The following GNAQ variants were observed in gnomAD, a reference collection of about 807,000 sequenced individuals.
The protein encoded by GNAQ is G protein subunit alpha q.
Under a neutral mutation model 43.9 loss-of-function variants are expected in GNAQ, and 8 were observed. That is an observed-to-expected ratio of 0.18 (90% CI 0.11 to 0.33). The LOEUF (loss-of-function observed/expected upper bound fraction) is 0.33. Among genes scored for constraint, GNAQ ranks in the 10% least tolerant of loss-of-function variants. GNAQ has a pLI of 1.00. For synonymous variants in GNAQ, 155 were observed against 170.7 expected (o/e 0.91, Z 0.71); for missense variants, 158 against 450.8 (o/e 0.35, Z 5.88).
At chr9:77,845,286 C>G (rs1225471337) in intron 2 of GNAQ, among the ~76,000 whole-genome samples, 1 of 152,026 alleles carries the variant, frequency 6.6e-6, no homozygotes, top group African/African-American at 2.4e-5. Flanking sequence ...GTGTCAGAAG[C>G]AATTGTTGAA....
intron 2 of GNAQ, among the ~76,000 whole-genome samples, chr9:77,919,877 C>G (rs1252078499): frequency 2.6e-5 from 4 of 152,190 alleles, no homozygotes; most frequent in Non-Finnish European, 4.4e-5. Context: ...AGAGGTGGCT[C>G]ATGCCTGTAA....
At chr9:77,937,753 G>C (rs192020043) in intron 1 of GNAQ, among the ~76,000 whole-genome samples, 1 of 152,042 alleles carries the variant, frequency 6.6e-6, no homozygotes, top group African/African-American at 2.4e-5. Context: ...TCAGCCAGGC[G>C]TGGTGGGGCA....
At position 77,846,997 on chromosome 9, in the gene GNAQ, AG is replaced by A. The variant is rs1827597156; in HGVS notation, c.322-31228del. Reference sequence around the variant, plus strand: ...CAGTAATGACCTACCCTGTCCTGAAAGGAACACTGGAATACTTCGAACTTCC... The same window carrying A: ...CAGTAATGACCTACCCTGTCCTGAAAGAACACTGGAATACTTCGAACTTCC... On this transcript the variant is annotated intron_variant, in intron 2 of 6. Coordinates refer to ENST00000286548, the MANE Select transcript of GNAQ (RefSeq NM_002072.5). Among the ~76,000 whole-genome samples, 7 of 152,178 alleles carry A rather than the reference AG, an allele frequency of 4.6e-5. 2 individuals are homozygous for A. The South Asian group carries it at 1.4e-3, about 31-fold the overall frequency.
chr9:77,961,921 A>C (rs1165495050), intron 1 of GNAQ, among the ~76,000 whole-genome samples: 1 of 152,234 alleles, frequency 6.6e-6, no homozygotes, highest in Non-Finnish European at 1.5e-5. Flanking sequence ...AGTACTAGTT[A>C]GGTTCCACCA....
chr9:77,858,182 T>G (rs915823383), intron 2 of GNAQ, among the ~76,000 whole-genome samples: 3 of 152,180 alleles, frequency 2.0e-5, no homozygotes, highest in African/African-American at 7.2e-5. Flanking sequence ...TTTTCAGCAC[T>G]GGCACAATCA....
At chr9:77,886,249 A>G (rs1410196200) in intron 2 of GNAQ, among the ~76,000 whole-genome samples, 3 of 152,214 alleles carry the variant, frequency 2.0e-5, no homozygotes, top group African/African-American at 7.2e-5. Context: ...CTGGGGTTAC[A>G]GGTGTGAGCC....
intron 2 of GNAQ, among the ~76,000 whole-genome samples, chr9:77,836,875 C>T (rs901712523): frequency 6.6e-6 from 1 of 152,126 alleles, no homozygotes; most frequent in African/African-American, 2.4e-5. Flanking sequence ...CCATCATATA[C>T]TGAAGAACAG....
At chr9:77,742,095 T>C (rs986363996) in intron 5 of GNAQ, among the ~76,000 whole-genome samples, 1 of 152,244 alleles carries the variant, frequency 6.6e-6, no homozygotes, top group African/African-American at 2.4e-5. Context: ...AAGCAATGTT[T>C]ACTGTCTGCT....
rs79675984 is a variant in GNAQ at position 78,020,403 on chromosome 9, G to C, written c.136+10697C>G. Among the ~76,000 whole-genome samples, 1,066 of 152,244 alleles carry C rather than the reference G, an allele frequency of 7.0e-3. 19 individuals carry two copies. Among genetic ancestry groups the C allele is most frequent in the African/African-American group, 0.024 (990 of 41,524 alleles). On this transcript the variant is annotated intron_variant, in intron 1 of 6. Transcript: ENST00000286548. ...GGTTTTTCTCGGGACACAGCTTCAT[G>C]AGAGTTCTATGCTCACCTATTTAAC...
intron 5 of GNAQ, among the ~76,000 whole-genome samples, chr9:77,765,774 C>T (rs978562651): frequency 2.0e-5 from 3 of 152,076 alleles, no homozygotes; most frequent in Non-Finnish European, 2.9e-5. Context: ...CCCAACAGAA[C>T]GGAAAGTAGG....
chr9:77,936,217 T>G (rs1257755703), intron 1 of GNAQ, among the ~76,000 whole-genome samples: 1 of 152,152 alleles, frequency 6.6e-6, no homozygotes, highest in Non-Finnish European at 1.5e-5. Flanking sequence ...CTACAACCCA[T>G]GAAGTGATCC....
At chr9:78,025,949 CA>C (rs1823974225) in intron 1 of GNAQ, among the ~76,000 whole-genome samples, 1 of 152,146 alleles carries the variant, frequency 6.6e-6, no homozygotes, top group Admixed American at 6.5e-5. Context: ...CTCACAACTG[CA>C]AAGGCTGTTT....
intron 2 of GNAQ, among the ~76,000 whole-genome samples, chr9:77,904,242 C>T (rs963457161): frequency 7.4e-5 from 11 of 147,898 alleles, no homozygotes; most frequent in Non-Finnish European, 1.5e-5. Context: ...AAAAAGCTGA[C>T]TGTGGAAACT....
At position 77,716,327 on chromosome 9, in the gene GNAQ, TACA is replaced by T. The variant is rs769777858; in HGVS notation, c.*4993_*4995del. 3.0e-5 allele frequency: 7 copies of T among 232,232 alleles called. No individual in the cohort carries two copies. Among genetic ancestry groups the T allele is most frequent in the African/African-American group, 8.8e-5 (4 of 45,316 alleles). 14.4% of individuals were successfully genotyped at this position (232,232 alleles called of 1,614,324 possible). On this transcript the variant is annotated 3_prime_UTR_variant, in exon 7 of 7. Coordinates refer to ENST00000286548, the MANE Select transcript of GNAQ (RefSeq NM_002072.5). ...CAGCAAGATCATTGGGGCATTATTA[TACA>T]ACATTAGGTGTTTTTTGCAAAACTA... is the stretch of plus-strand genomic sequence containing the variant.
chr9:77,912,750 A>G (rs1378158799), intron 2 of GNAQ, among the ~76,000 whole-genome samples: 1 of 152,238 alleles, frequency 6.6e-6, no homozygotes, highest in East Asian at 1.9e-4. Flanking sequence ...GAGATAACCA[A>G]ATAGCCAGTA....
At chr9:77,993,455 T>C (rs1823533264) in intron 1 of GNAQ, among the ~76,000 whole-genome samples, 1 of 152,118 alleles carries the variant, frequency 6.6e-6, no homozygotes, top group Admixed American at 6.5e-5. Flanking sequence ...TCCCAACACT[T>C]TGGGAGGCTG....
At chr9:78,008,491 T>C (rs1022496413) in intron 1 of GNAQ, among the ~76,000 whole-genome samples, 3 of 152,202 alleles carry the variant, frequency 2.0e-5, no homozygotes, top group African/African-American at 7.2e-5. Context: ...ACCATCCAAC[T>C]GGAAAAACTG....
chr9:77,747,530 C>G lies in GNAQ; in HGVS notation c.736-18863G>C, dbSNP rs533789081. Among the ~76,000 whole-genome samples the G allele has an allele frequency of 1.8e-4, 27 of 152,228 alleles. No individual in the cohort carries two copies. The East Asian group carries it at 4.8e-3, about 27-fold the overall frequency. ...GACATTATCTAGCTTTAGTTATTAC[C>G]ATTTTCATAAACATCAGTTTATAAG... is the stretch of plus-strand genomic sequence containing the variant. On this transcript the variant is annotated intron_variant, in intron 5 of 6. Coordinates refer to ENST00000286548, the MANE Select transcript of GNAQ (RefSeq NM_002072.5).
chr9:77,784,042 T>A (rs1326203281), intron 5 of GNAQ, among the ~76,000 whole-genome samples: 1 of 152,080 alleles, frequency 6.6e-6, no homozygotes, highest in Non-Finnish European at 1.5e-5. Flanking sequence ...ACAATCACAG[T>A]GGGAGATATA....
Sources: allele counts gnomAD v4.1 joint callset (sites outside exome capture counted in the v4.1 genomes callset), GRCh38; gene constraint gnomAD v4.1.1; transcripts MANE v1.5; gene names NCBI Gene and HGNC (gene_info 2026-07-23, HGNC 2026-07-21).